The following ATP6AP1 variants were observed in gnomAD, a reference collection of about 807,000 sequenced individuals.
ATP6AP1 encodes the protein ATPase H+ transporting accessory protein 1.
ATP6AP1 carries 1 observed loss-of-function variant against 32.0 expected under a neutral mutation model. The observed-to-expected ratio is 0.03, with a 90% CI of 0.01 to 0.15. ATP6AP1 has a LOEUF of 0.15. Ranked by LOEUF, ATP6AP1 falls within the 10% of genes least tolerant of loss-of-function variation. ATP6AP1 has a pLI of 1.00. For synonymous variants in ATP6AP1, 187 were observed against 174.9 expected, an observed-to-expected ratio of 1.07 and a Z score of -0.55; for missense variants, 297 against 398.8, an observed-to-expected ratio of 0.74 and a Z score of 2.17.
chrX:154,431,709 G>GTCC (rs2068694385), intron 2 of ATP6AP1, 121 bp from the exon 3 acceptor site: 1 of 647,774 alleles, frequency 1.5e-6, no homozygotes, highest in Admixed American at 2.4e-5. Flanking sequence ...CCACCATACT[G>GTCC]AACCTGACTC....
chrX:154,428,776 GT>G lies in ATP6AP1; in HGVS notation c.89del (p.Leu30CysfsTer49). On this transcript the variant is annotated frameshift_variant, in exon 1 of 10. Transcript: ENST00000369762. LOFTEE classifies it high-confidence loss of function. ...TCTGGCGCATGCCGTGGCTGCCGGT[GT>G]TTTTGTCGTTGGCGGCGGCGGCGGC... is the stretch of plus-strand genomic sequence containing the variant. The part of the protein sequence containing the change: ...ALWRMPWLPV[F>X]LSLAAAAAAA... The G allele has an allele frequency of 8.8e-7, 1 of 1,132,132 alleles. No individual in the cohort carries two copies. The highest frequency in any genetic ancestry group is 1.2e-6 in the Non-Finnish European group (1 of 863,248). 93.3% of individuals were successfully genotyped at this position (1,132,132 alleles called of 1,213,427 possible).
chrX:154,434,765 A>G (rs1448999423), intron 7 of ATP6AP1, among the ~76,000 whole-genome samples: 1 of 111,553 alleles, frequency 9.0e-6, no homozygotes, highest in Non-Finnish European at 1.9e-5. Context: ...GTGGGCAAAT[A>G]CCAGGCCAGC....
At position 154,435,801 on chromosome X, in the gene ATP6AP1, C is replaced by T. The variant is rs1223093219; in HGVS notation, c.1323C>T (p.Thr441=). 8.3e-7 allele frequency: 1 copy of T among 1,211,840 alleles called. No homozygotes were observed. Among genetic ancestry groups the T allele is most frequent in the African/African-American group, 1.7e-5 (1 of 57,825 alleles). ...LTSLFMLFIF[T]YGLHMILSLK... ...CCCTGTTCATGCTCTTCATCTTCAC[C>T]TATGGCCTGCACATGATCCTCAGCC... is the stretch of plus-strand genomic sequence containing the variant. Residue 441 remains threonine, a synonymous_variant, in exon 10 of 10, where the codon ACC becomes ACT. Transcript: ENST00000369762.
rs1557197504 is a variant in ATP6AP1, at chrX:154,435,399, TCTACTC to T, written c.1100_1105del (p.Tyr367_Ser368del). On this transcript the variant is annotated inframe_deletion, in exon 9 of 10. Transcript: ENST00000369762. The stretch of plus-strand genomic sequence containing the variant: ...GCTTCCCAGGTCACAGGGCCCAGCA[TCTACTC>T]CTTCCACTGCGAGTATGTCAGCAGC... 1 of 1,212,196 alleles carries T rather than the reference TCTACTC, an allele frequency of 8.2e-7. No homozygotes were observed.
intron 5 of ATP6AP1, 47 bp downstream of exon 5, chrX:154,433,018 G>T: frequency 8.4e-7 from 1 of 1,189,658 alleles, no homozygotes; most frequent in Non-Finnish European, 1.1e-6. Context: ...GCCCTTGGGT[G>T]GGGGCCACAG....
Position 154,435,666 on chromosome X carries a change from T to C in ATP6AP1, c.1204-16T>C. Reference sequence around the variant, plus strand: ...TCCCAACGGTCCTTTCTGACCCGTGTCTGTGTGTCTGCCAGATCCAGGCTT... The same window carrying C: ...TCCCAACGGTCCTTTCTGACCCGTGCCTGTGTGTCTGCCAGATCCAGGCTT... On this transcript the variant is annotated splice_polypyrimidine_tract_variant and intron_variant, in intron 9 of 9. Coordinates refer to ENST00000369762, the MANE Select transcript of ATP6AP1 (RefSeq NM_001183.6). 8.3e-7 allele frequency: 1 copy of C among 1,210,182 alleles called. No individual in the cohort carries two copies. Among genetic ancestry groups the C allele is most frequent in the Non-Finnish European group, 1.1e-6 (1 of 894,050 alleles).
chrX:154,430,716 A>G (rs2068688934), intron 2 of ATP6AP1: 1 of 111,409 alleles, frequency 9.0e-6, no homozygotes, highest in Admixed American at 9.5e-5. Flanking sequence ...TATTTTAGAT[A>G]AGGGTGGTCA....
At chrX:154,431,152 T>C (rs1310302758) in intron 2 of ATP6AP1, 1 of 109,903 alleles carries the variant, frequency 9.1e-6, no homozygotes, top group Non-Finnish European at 1.9e-5. Flanking sequence ...GCTGGGCGAG[T>C]GTGTATACCA....
intron 3 of ATP6AP1, 50 bp downstream of exon 3, chrX:154,431,954 T>C (rs782629683): frequency 1.2e-5 from 14 of 1,158,663 alleles, no homozygotes; most frequent in Admixed American, 4.4e-5. Context: ...CTGTGCTCCT[T>C]CTCCCAGCAT....
At position 154,436,457 on chromosome X, in the gene ATP6AP1, G is replaced by A. The variant is rs1029171288; in HGVS notation, c.*566G>A. 4 of 112,979 alleles carry A rather than the reference G, an allele frequency of 3.5e-5. No individual in the cohort carries two copies. The highest frequency in any genetic ancestry group is 5.5e-5 in the Non-Finnish European group (3 of 54,152). The allele number at this position is 112,979 out of a possible 1,213,427, so 9.3% of individuals were successfully genotyped here. The stretch of plus-strand genomic sequence containing the variant: ...GGCATGTTCCCACCGGGAGTGCCGG[G>A]CAGGAGCATGGGGTGCTTGGTTGTT... On this transcript the variant is annotated 3_prime_UTR_variant, in exon 10 of 10. Transcript: ENST00000369762.
chrX:154,431,888 C>T lies in ATP6AP1; in HGVS notation c.347C>T (p.Ala116Val). 1 of 1,211,343 alleles carries T rather than the reference C, an allele frequency of 8.3e-7. No individual in the cohort carries two copies. Among genetic ancestry groups the T allele is most frequent in the Non-Finnish European group, 1.1e-6 (1 of 895,352 alleles). Residue 116 changes from alanine to valine, a missense_variant, in exon 3 of 10, where the codon GCC becomes GTC. Ala to Val is a moderately conservative substitution (Grantham distance 64). Transcript: ENST00000369762. ...GTGTTTGGAAACAAGCAGGACAGCGCCTTTTCTAACCTAGAGGTGAGAGTC... is the reference window on the plus strand; with the variant it reads ...GTGTTTGGAAACAAGCAGGACAGCGTCTTTTCTAACCTAGAGGTGAGAGTC... The part of the protein sequence containing the change: ...GGVFGNKQDS[A>V]FSNLENALDL...
chrX:154,435,720 C>T lies in ATP6AP1; in HGVS notation c.1242C>T (p.Tyr414=), dbSNP rs371590913. ...AFNVMGEQFS[Y]ASDCASFFSP... ...ACGTAATGGGGGAGCAGTTCTCCTA[C>T]GCCAGCGACTGTGCCAGCTTCTTCT... The change falls in exon 10 of 10, where the codon TAC becomes TAT. Residue 414 remains tyrosine, a synonymous_variant. Transcript: ENST00000369762. The T allele has an allele frequency of 4.3e-5, 52 of 1,210,174 alleles. No homozygotes were observed. Among genetic ancestry groups the T allele is most frequent in the Non-Finnish European group, 5.1e-5 (46 of 895,193 alleles).
At chrX:154,428,971 C>T (rs904140336) in intron 1 of ATP6AP1, 77 bp from the exon 2 acceptor site, 4 of 1,173,853 alleles carry the variant, frequency 3.4e-6, no homozygotes, top group Non-Finnish European at 4.6e-6. Context: ...CTCGGGGGCT[C>T]GCAGCGAATC....
chrX:154,435,094 G>T (rs782323227), intron 7 of ATP6AP1, 45 bp from the exon 8 acceptor site: 2 of 1,187,300 alleles, frequency 1.7e-6, no homozygotes, highest in East Asian at 3.0e-5. Flanking sequence ...GATGCCAAAG[G>T]CCCTCCCAGA....
intron 3 of ATP6AP1, 123 bp downstream of exon 3, chrX:154,432,027 TC>T: frequency 5.1e-6 from 4 of 783,152 alleles, no homozygotes; most frequent in Non-Finnish European, 7.4e-6. Flanking sequence ...GGGTCAACCA[TC>T]CCCCCCAAAA....
At chrX:154,435,535 T>C in intron 9 of ATP6AP1, 30 bp downstream of exon 9, 1 of 1,200,105 alleles carries the variant, frequency 8.3e-7, no homozygotes, top group Non-Finnish European at 1.1e-6. Context: ...CAGCTTCAGG[T>C]GGGGGAGCCC....
intron 2 of ATP6AP1, chrX:154,429,641 A>AT (rs1319965394): frequency 8.8e-6 from 1 of 113,719 alleles, no homozygotes; most frequent in Non-Finnish European, 1.8e-5. Flanking sequence ...CACTGATGTC[A>AT]TTATCTTGGT....
Position 154,436,509 on chromosome X carries a change from C to G in ATP6AP1, c.*618C>G, listed in dbSNP as rs1400297599. The G allele has an allele frequency of 1.8e-5, 2 of 110,286 alleles. No homozygotes were observed. Among genetic ancestry groups the G allele is most frequent in the Non-Finnish European group, 3.8e-5 (2 of 52,891 alleles). 9.1% of individuals were successfully genotyped at this position (110,286 alleles called of 1,213,427 possible). A position where few individuals can be genotyped will look rare whatever the true frequency, so the allele number is the denominator to read the frequency against. On this transcript the variant is annotated 3_prime_UTR_variant, in exon 10 of 10. Transcript: ENST00000369762. ...CCTTCCTAATAAAATAAACGCGGGT[C>G]GCCATGCGTTGGGCCTCTTGTCGCT... is the stretch of plus-strand genomic sequence containing the variant.
chrX:154,434,591 G>T lies in ATP6AP1; in HGVS notation c.923+145G>T, dbSNP rs1243505592. On this transcript the variant is annotated intron_variant, in intron 7 of 9. Coordinates refer to ENST00000369762, the MANE Select transcript of ATP6AP1 (RefSeq NM_001183.6). ...TCTGGTTGGGGTCTGGGCAGCGTGA[G>T]GATGTAGGAGGTGTCATGGCATGGG... The T allele has an allele frequency of 3.1e-5, 17 of 553,216 alleles. No individual in the cohort carries two copies. The East Asian group carries it at 5.7e-4, about 18-fold the overall frequency. 45.6% of individuals were successfully genotyped at this position (553,216 alleles called of 1,213,427 possible). A position where few individuals can be genotyped will look rare whatever the true frequency, so the allele number is the denominator to read the frequency against.
Sources: gnomAD v4.1 joint callset for allele counts (sites outside exome capture counted in the v4.1 genomes callset) on GRCh38, gnomAD v4.1.1 for gene constraint, MANE v1.5 for transcripts, NCBI Gene and HGNC (gene_info 2026-07-23, HGNC 2026-07-21) for gene names.